The following SMAD1 variants were observed in gnomAD, a reference collection of about 807,000 sequenced individuals.
SMAD1 encodes SMAD family member 1.
Under a neutral mutation model 41.6 loss-of-function variants are expected in SMAD1, and 6 were observed. The ratio of observed to expected loss-of-function variants is 0.14; its 90% CI spans 0.08 to 0.28. The LOEUF is 0.28. SMAD1 is among the 10% of genes least tolerant of loss of function. The probability of loss-of-function intolerance (pLI) is 1.00; values close to 1 mark genes in which losing one functional copy is unlikely to be tolerated. For missense variants in SMAD1, 379 were observed against 582.6 expected, an observed-to-expected ratio of 0.65 and a Z score of 3.60; for synonymous variants, 206 against 203.2, an observed-to-expected ratio of 1.01 and a Z score of -0.12.
chr4:145,554,150 T>A, intron 6 of SMAD1, 110 bp downstream of exon 6: 1 of 1,001,842 alleles, frequency 1.0e-6, no homozygotes, highest in Non-Finnish European at 1.5e-6. Context: ...CATATTATCA[T>A]ATTAGCTGAC....
At chr4:145,535,423 A>G (rs1356549525) in intron 2 of SMAD1, among the ~76,000 whole-genome samples, 2 of 152,194 alleles carry the variant, frequency 1.3e-5, no homozygotes, top group Non-Finnish European at 2.9e-5. Context: ...AATATTGTGA[A>G]ATACCTGAAT....
At chr4:145,522,160 C>T (rs1300596020) in intron 2 of SMAD1, among the ~76,000 whole-genome samples, 1 of 151,222 alleles carries the variant, frequency 6.6e-6, no homozygotes. Flanking sequence ...ATTAGCCGGG[C>T]GAGGTGGCGG....
chr4:145,553,562 T>C (rs960745989), intron 5 of SMAD1, among the ~76,000 whole-genome samples: 2 of 152,160 alleles, frequency 1.3e-5, no homozygotes, highest in Admixed American at 1.3e-4. Context: ...GCTTGCTCAC[T>C]CACCTCCTGC....
intron 2 of SMAD1, among the ~76,000 whole-genome samples, chr4:145,527,949 C>T (rs1284389048): frequency 4.6e-5 from 7 of 151,628 alleles, no homozygotes; most frequent in Non-Finnish European, 5.9e-5. Flanking sequence ...CAACTTCCAC[C>T]GCTCCCCGCC....
chr4:145,540,255 T>C (rs1731848351), intron 3 of SMAD1, among the ~76,000 whole-genome samples, 194 bp downstream of exon 3: 1 of 152,278 alleles, frequency 6.6e-6, no homozygotes. Flanking sequence ...TCTTATTTTA[T>C]TTGTCAGGCA....
intron 1 of SMAD1, among the ~76,000 whole-genome samples, chr4:145,510,414 C>T (rs1730014934): frequency 6.6e-6 from 1 of 151,950 alleles, no homozygotes; most frequent in Non-Finnish European, 1.5e-5. Flanking sequence ...CCCTCTGTGC[C>T]TTGAGCCACA....
At chr4:145,484,440 A>G (rs1475515446) in intron 1 of SMAD1, 1 of 152,250 alleles carries the variant, frequency 6.6e-6, no homozygotes, top group Admixed American at 6.5e-5. Context: ...GTAAAAGTCT[A>G]TGATGTCAGC....
rs186206019 is a variant in SMAD1 at position 145,531,611 on chromosome 4, G to A, written c.401-8193G>A. ...AGAAGACTTGCAGAATTTAGAGCAG[G>A]AAGACCCTGTGGAGAGCAAGTTTCT... On this transcript the variant is annotated intron_variant, in intron 2 of 6. Coordinates refer to ENST00000302085, the MANE Select transcript of SMAD1 (RefSeq NM_005900.3). 3.3e-5 allele frequency among the ~76,000 whole-genome samples: 5 copies of A among 152,276 alleles called. No individual in the cohort carries two copies. In the East Asian group the frequency reaches 7.7e-4, roughly 24 times the overall value.
chr4:145,519,384 C>G (rs1275767007), intron 2 of SMAD1, among the ~76,000 whole-genome samples: 1 of 136,320 alleles, frequency 7.3e-6, no homozygotes, highest in Non-Finnish European at 1.7e-5. Context: ...GCGTGAGCCA[C>G]TGAGCCCAGC....
chr4:145,549,313 A>G (rs976226015), intron 5 of SMAD1, among the ~76,000 whole-genome samples: 4 of 152,210 alleles, frequency 2.6e-5, no homozygotes, highest in African/African-American at 9.6e-5. Context: ...CAACTATACT[A>G]TGGCTATATA....
chr4:145,558,399 AC>A lies in SMAD1; in HGVS notation c.*466del, dbSNP rs1175368115. ...TCATGGGTTTTCATAATATTTTAAA[AC>A]TATTTGTTTAGCGATGGTTTTGTTC... On this transcript the variant is annotated 3_prime_UTR_variant, in exon 7 of 7. Transcript: ENST00000302085. Among the ~76,000 whole-genome samples the A allele has an allele frequency of 6.6e-6, 1 of 152,156 alleles. No individual in the cohort carries two copies. The highest frequency in any genetic ancestry group is 2.4e-5 in the African/African-American group (1 of 41,426).
chr4:145,540,734 CAAAAAAAA>C (rs921011866), intron 3 of SMAD1, among the ~76,000 whole-genome samples: 2 of 81,634 alleles, frequency 2.4e-5, no homozygotes, highest in Non-Finnish European at 5.1e-5. Context: ...CAAGCATCTC[CAAAAAAAA>C]AAAAAAAAAG....
intron 2 of SMAD1, among the ~76,000 whole-genome samples, chr4:145,522,317 A>G (rs577241201): frequency 7.7e-4 from 117 of 151,786 alleles, no homozygotes; most frequent in Non-Finnish European, 1.4e-3. Flanking sequence ...AAACAAAAAA[A>G]TGGTCTGGGT....
intron 5 of SMAD1, among the ~76,000 whole-genome samples, chr4:145,547,526 G>A (rs900819261): frequency 6.6e-6 from 1 of 152,230 alleles, no homozygotes; most frequent in African/African-American, 2.4e-5. Context: ...TATATCCTCA[G>A]CCTAGGCTGA....
upstream of SMAD1, chr4:145,481,255 A>T (rs1231342970): frequency 6.6e-6 from 1 of 152,126 alleles, no homozygotes; most frequent in Non-Finnish European, 1.5e-5. Context: ...CACAAAACGC[A>T]TCTGTTGACT....
chr4:145,515,357 T>C (rs2126414388), intron 2 of SMAD1, among the ~76,000 whole-genome samples: 1 of 152,336 alleles, frequency 6.6e-6, no homozygotes, highest in South Asian at 2.1e-4. Flanking sequence ...CACATGGTTC[T>C]CTGCATTTCT....
intron 6 of SMAD1, 140 bp from the exon 7 acceptor site, chr4:145,557,651 T>G (rs1047200616): frequency 1.3e-4 from 76 of 573,514 alleles, no homozygotes; most frequent in Non-Finnish European, 2.1e-5. Context: ...TGTGTGTTTT[T>G]TTCTCCCCAG....
rs886533356 is a variant in SMAD1, at chr4:145,514,036, C to G, written c.-176-402C>G. 3.3e-5 allele frequency among the ~76,000 whole-genome samples: 5 copies of G among 152,086 alleles called. No individual in the cohort carries two copies. Among genetic ancestry groups the G allele is most frequent in the Non-Finnish European group, 5.9e-5 (4 of 68,022 alleles). Reference sequence around the variant, plus strand: ...AACAGAAATAGATTTTCTCTTTGTTCTGGAGTCTGGAAAGTCCAAGATCAA... The same window carrying G: ...AACAGAAATAGATTTTCTCTTTGTTGTGGAGTCTGGAAAGTCCAAGATCAA... On this transcript the variant is annotated intron_variant, in intron 1 of 6. Transcript: ENST00000302085. The surrounding 1 kb of genome is among the most constrained non-coding windows in gnomAD (Gnocchi z 4.7).
At chr4:145,526,550 G>A (rs1731026555) in intron 2 of SMAD1, among the ~76,000 whole-genome samples, 1 of 152,146 alleles carries the variant, frequency 6.6e-6, no homozygotes, top group Non-Finnish European at 1.5e-5. Flanking sequence ...AAAACTGATG[G>A]GAGCATGTCA....
Sources: gnomAD v4.1 joint callset for allele counts (sites outside exome capture counted in the v4.1 genomes callset) on GRCh38, gnomAD v4.1.1 for gene constraint, Gnocchi (gnomAD v3.1) non-coding constraint, MANE v1.5 for transcripts, NCBI Gene and HGNC (gene_info 2026-07-23, HGNC 2026-07-21) for gene names.